Variants in RIF1 observed in about 807,000 individuals in gnomAD.
RIF1 encodes replication timing regulatory factor 1, also known as telomere-associated protein RIF1.
A neutral mutation model predicts 247.1 loss-of-function variants in RIF1; 45 were observed. That is an observed-to-expected ratio of 0.18 (90% confidence interval 0.14 to 0.23). The LOEUF is 0.23. Among genes scored for constraint, RIF1 ranks in the 10% least tolerant of loss-of-function variants. RIF1 has a pLI of 1.00. For synonymous variants in RIF1, 1,087 were observed against 978.8 expected (o/e 1.11, Z -2.06); for missense variants, 2,967 against 2,862.5 (o/e 1.04, Z -0.83).
chr2:151,525,604 G>A, the RIF1 span, among the ~76,000 whole-genome samples: 3 of 152,214 alleles, frequency 2.0e-5, no homozygotes, highest in African/African-American at 7.2e-5. Context: ...AGCAGGCAGA[G>A]ATTACTGAGG....
In RIF1 at chr2:151,440,385, G is replaced by A. The variant is rs141453090; in HGVS notation, c.1647+258G>A. On this transcript the variant is annotated intron_variant, in intron 15 of 35. Transcript: ENST00000444746. ...TATCCGCCATACAGAGAAAAACTAG[G>A]GTAAAGGACATGAAACTTGAACTGA... Among the ~76,000 whole-genome samples, 14 of 152,128 alleles carry A rather than the reference G, an allele frequency of 9.2e-5. No individual in the cohort carries two copies. In the East Asian group the frequency reaches 2.1e-3, roughly 23 times the overall value.
Position 151,437,190 on chromosome 2 carries a change from A to G in RIF1, c.1373-51A>G, listed in dbSNP as rs369690203. 185 of 1,423,580 alleles carry G rather than the reference A, an allele frequency of 1.3e-4. 1 individual carries two copies. The highest frequency in any genetic ancestry group is 7.1e-4 in the Middle Eastern group (4 of 5,664). The allele number at this position is 1,423,580 out of a possible 1,614,324, so 88.2% of individuals were successfully genotyped here. A position where few individuals can be genotyped will look rare whatever the true frequency, so the allele number is the denominator to read the frequency against. Reference sequence around the variant, plus strand: ...TTTAAAGTTTTATAGTGAGAAATGTATTTCATAAATCTGTTGTTTTACATA... The same window carrying G: ...TTTAAAGTTTTATAGTGAGAAATGTGTTTCATAAATCTGTTGTTTTACATA... On this transcript the variant is annotated intron_variant, in intron 12 of 35. Coordinates refer to ENST00000444746, the MANE Select transcript of RIF1 (RefSeq NM_018151.5).
At position 151,457,859 on chromosome 2, in the gene RIF1, C is replaced by G. The variant is rs755950436; in HGVS notation, c.2751C>G (p.Cys917Trp). Residue 917 changes from cysteine (C) to tryptophan (W), a missense_variant, in exon 24 of 36, where the codon TGC becomes TGG. Cys to Trp is a radical substitution (Grantham distance 215). Transcript: ENST00000444746. ...ELLEQLSPLL[C>W]IIFLHKNKQI... ...TTGAACAACTCTCCCCACTATTATG[C>G]ATAATATTTCTGCACAAGAATAAAC... is the stretch of plus-strand genomic sequence containing the variant. 1 of 1,613,436 alleles carries G rather than the reference C, an allele frequency of 6.2e-7. No individual in the cohort carries two copies. The highest frequency in any genetic ancestry group is 8.5e-7 in the Non-Finnish European group (1 of 1,179,496).
chr2:151,474,455 G>A (rs1226389834), intron 35 of RIF1, among the ~76,000 whole-genome samples: 5 of 152,220 alleles, frequency 3.3e-5, no homozygotes. Flanking sequence ...AAGGTGGGTG[G>A]ATCGCTTGAG....
chr2:151,496,766 G>A (rs1187024531), intron 10 of RIF1, among the ~76,000 whole-genome samples: 3 of 151,902 alleles, frequency 2.0e-5, no homozygotes, highest in Non-Finnish European at 2.9e-5. Context: ...AAAATTAACT[G>A]TATTATGGAA....
At chr2:151,414,192 C>T (rs1043189979) in intron 3 of RIF1, among the ~76,000 whole-genome samples, 2 of 151,972 alleles carry the variant, frequency 1.3e-5, no homozygotes, top group Admixed American at 6.6e-5. Context: ...CGCCTGTCAT[C>T]CCAGCTGCTC....
downstream of RIF1, among the ~76,000 whole-genome samples, chr2:151,512,341 T>C (rs1409259299): frequency 4.0e-5 from 6 of 150,060 alleles, no homozygotes; most frequent in Non-Finnish European, 8.9e-5. Context: ...GCTTCTCTCT[T>C]TTTTTTTTAA....
At position 151,469,694 on chromosome 2, in the gene RIF1, G is replaced by GT. The variant is rs1697507284; in HGVS notation, c.6942-14dup. The GT allele has an allele frequency of 6.7e-7, 1 of 1,497,354 alleles. No individual in the cohort carries two copies. The highest frequency in any genetic ancestry group is 8.9e-7 in the Non-Finnish European group (1 of 1,121,046). The allele number at this position is 1,497,354 out of a possible 1,614,324, so 92.8% of individuals were successfully genotyped here. Reference sequence around the variant, plus strand: ...TAAAACTATATAATTATAATTTCCTGTTTCTGTTTTGTTTAGGGCAAGAGG... The same window carrying GT: ...TAAAACTATATAATTATAATTTCCTGTTTTCTGTTTTGTTTAGGGCAAGAGG... On this transcript the variant is annotated splice_polypyrimidine_tract_variant and intron_variant, in intron 33 of 35. Transcript: ENST00000444746.
In RIF1 at chr2:151,465,744, C is replaced by T. The variant is rs750420362; in HGVS notation, c.6224C>T (p.Thr2075Ile). The T allele has an allele frequency of 1.2e-6, 2 of 1,613,978 alleles. No individual in the cohort carries two copies. Among genetic ancestry groups the T allele is most frequent in the Non-Finnish European group, 1.7e-6 (2 of 1,179,946 alleles). Reference protein sequence around the residue: ...NFVCDTVEMSTEEGIIDANKT... With the variant: ...NFVCDTVEMSIEEGIIDANKT... ...GTTTGTGACACAGTTGAAATGAGCACTGAAGAAGGAATCATTGACGCTAAT... is the reference window on the plus strand; with the variant it reads ...GTTTGTGACACAGTTGAAATGAGCATTGAAGAAGGAATCATTGACGCTAAT... Residue 2075 changes from threonine (T) to isoleucine (I), a missense_variant, in exon 30 of 36, where the codon ACT (threonine) becomes ATT (isoleucine). Physicochemically the swap from Thr to Ile is moderately conservative, Grantham distance 89. Transcript: ENST00000444746.
intron 21 of RIF1, among the ~76,000 whole-genome samples, chr2:151,452,514 GTTTTTGAAT>G (rs1348786698): frequency 6.6e-6 from 1 of 151,988 alleles, no homozygotes; most frequent in African/African-American, 2.4e-5. Flanking sequence ...ATCTTTTTTG[GTTTTTGAAT>G]TTTTACTAAG....
rs566182083 is a variant in RIF1 at position 151,453,087 on chromosome 2, A to G, written c.2344+1382A>G. On this transcript the variant is annotated intron_variant, in intron 21 of 35. Coordinates refer to ENST00000444746, the MANE Select transcript of RIF1 (RefSeq NM_018151.5). ...ATTTCAAATTTAGAGAAATACTGCAAGAGTTTATGTGGAAACTTCGTATTC... is the reference window on the plus strand; with the variant it reads ...ATTTCAAATTTAGAGAAATACTGCAGGAGTTTATGTGGAAACTTCGTATTC... 2.6e-5 allele frequency among the ~76,000 whole-genome samples: 4 copies of G among 152,326 alleles called. No homozygotes were observed. The East Asian group carries it at 7.7e-4, about 29-fold the overall frequency.
chr2:151,511,274 C>T (rs4316937), downstream of RIF1, among the ~76,000 whole-genome samples: 3 of 152,180 alleles, frequency 2.0e-5, no homozygotes, highest in Non-Finnish European at 4.4e-5. Context: ...AATTATTCTT[C>T]TGCATCCCTA....
intron 2 of RIF1, 146 bp downstream of exon 2, chr2:151,410,673 C>G: frequency 1.5e-6 from 1 of 672,506 alleles, no homozygotes; most frequent in South Asian, 1.8e-5. Flanking sequence ...CCTTGGGGGG[C>G]GGGGGAGATG....
At position 151,477,888 on chromosome 2, in the gene RIF1, T is replaced by G. The variant is rs914735134; in HGVS notation, c.*2817T>G. On this transcript the variant is annotated 3_prime_UTR_variant, in exon 36 of 36. Transcript: ENST00000444746. ...CCACCACTGGTTAATTTTTGTATTT[T>G]TAGTAGATACGGGGTTTCACCATGT... The G allele has an allele frequency of 2.0e-5, 3 of 152,174 alleles. No individual in the cohort carries two copies. Among genetic ancestry groups the G allele is most frequent in the African/African-American group, 7.2e-5 (3 of 41,422 alleles). 9.4% of individuals were successfully genotyped at this position (152,174 alleles called of 1,614,324 possible).
In RIF1 at chr2:151,507,025, G is replaced by A. The variant is rs1282958056; in HGVS notation, c.*1027+650G>A. 4.1e-6 allele frequency: 6 copies of A among 1,454,050 alleles called. No individual in the cohort carries two copies. Among genetic ancestry groups the A allele is most frequent in the Admixed American group, 1.7e-5 (1 of 59,642 alleles). 90.1% of individuals were successfully genotyped at this position (1,454,050 alleles called of 1,614,324 possible). Reference sequence around the variant, plus strand: ...CACTGGTATTGGAGCTATGAAGAAAGAGTAAACATCTTGTTAAGATTTCAA... The same window carrying A: ...CACTGGTATTGGAGCTATGAAGAAAAAGTAAACATCTTGTTAAGATTTCAA... On this transcript the variant is annotated intron_variant and NMD_transcript_variant, in intron 13 of 13. Coordinates refer to the RIF1 transcript ENST00000454583.
At chr2:151,500,420 T>C (rs1429489888) in intron 11 of RIF1, among the ~76,000 whole-genome samples, 2 of 88,378 alleles carry the variant, frequency 2.3e-5, no homozygotes, top group African/African-American at 7.4e-5. Flanking sequence ...GAGTTGTATA[T>C]AATACACAAA....
At chr2:151,533,615 C>T in the RIF1 span, 1 of 966,294 alleles carries the variant, frequency 1.0e-6, no homozygotes, top group Non-Finnish European at 1.6e-6. Flanking sequence ...GGCTCTATAT[C>T]CCAATCACCT....
At chr2:151,415,348 A>T (rs1243284854) in intron 4 of RIF1, among the ~76,000 whole-genome samples, 1 of 151,012 alleles carries the variant, frequency 6.6e-6, no homozygotes, top group African/African-American at 2.4e-5. Flanking sequence ...CCCATCTCAA[A>T]AAAAAAAAAG....
intron 7 of RIF1, 107 bp downstream of exon 7, chr2:151,420,486 C>G: frequency 9.5e-7 from 1 of 1,050,704 alleles, no homozygotes. Context: ...CACCTGTAGT[C>G]CCAAAGCGGG....
Sources: allele counts gnomAD v4.1 joint callset (sites outside exome capture counted in the v4.1 genomes callset), GRCh38; gene constraint gnomAD v4.1.1; transcripts MANE v1.5; gene names NCBI Gene and HGNC (gene_info 2026-07-23, HGNC 2026-07-21).